Variants in PCDH15 observed in about 807,000 individuals in gnomAD.
PCDH15 encodes the protein protocadherin-15.
In PCDH15, 129 loss-of-function variants were observed where a neutral mutation model predicts 178.5. The observed-to-expected ratio is 0.72, with a 90% CI of 0.63 to 0.84. The LOEUF is 0.84. Among genes scored for constraint, PCDH15 ranks in the 40% least tolerant of loss-of-function variants. The pLI is 0.00. For missense variants in PCDH15, 2,230 were observed against 2,099.9 expected, an observed-to-expected ratio of 1.06 and a Z score of -1.21; for synonymous variants, 800 against 732.0, an observed-to-expected ratio of 1.09 and a Z score of -1.50.
At position 53,807,001 on chromosome 10, in the gene PCDH15, C is replaced by T. The variant is rs181306086; in HGVS notation, c.4801G>A (p.Gly1601Ser). 2.4e-4 allele frequency: 392 copies of T among 1,613,482 alleles called. 1 individual carries two copies. In the African/African-American group the frequency reaches 4.4e-3, roughly 18 times the overall value. Residue 1601 changes from glycine (G) to serine (S), a missense_variant, in exon 38 of 38, where the codon GGC (glycine) becomes AGC (serine). Physicochemically the swap from Gly to Ser is moderately conservative, Grantham distance 56. Coordinates refer to ENST00000644397, the MANE Select transcript of PCDH15 (RefSeq NM_001384140.1). ...HHPSIHSNIN[G>S]NIYIAQNGSV... ...CCATTCTGTGCAATATATATATTGC[C>T]GTTGATATTACTGTGGATACTAGGA...
intron 2 of PCDH15, among the ~76,000 whole-genome samples, chr10:55,071,959 A>G (rs1841758146): frequency 1.3e-5 from 2 of 152,288 alleles, no homozygotes; most frequent in South Asian, 4.1e-4. Flanking sequence ...AAAACCGCTC[A>G]ACTACATGGA....
At chr10:54,298,658 A>G (rs2059948207) in intron 8 of PCDH15, among the ~76,000 whole-genome samples, 1 of 152,214 alleles carries the variant, frequency 6.6e-6, no homozygotes, top group Non-Finnish European at 1.5e-5. Context: ...TGATCCAACA[A>G]CAGGACTGAG....
At chr10:55,525,408 G>A (rs760429322) in intron 2 of PCDH15, among the ~76,000 whole-genome samples, 2 of 151,726 alleles carry the variant, frequency 1.3e-5, no homozygotes, top group Non-Finnish European at 2.9e-5. Context: ...AATAGTGAAA[G>A]TCACTAGATA....
chr10:55,377,146 T>TAAAAAAAAAAAAAAAAAA (rs398054373), intron 2 of PCDH15, among the ~76,000 whole-genome samples: 1 of 105,342 alleles, frequency 9.5e-6, no homozygotes, highest in Non-Finnish European at 2.0e-5. Context: ...CTTTCTTCAC[T>TAAAAAAAAAAAAAAAAAA]AAAAAAAAAA....
At chr10:55,204,741 T>TA (rs930155522) in intron 1 of PCDH15, among the ~76,000 whole-genome samples, 9 of 151,960 alleles carry the variant, frequency 5.9e-5, no homozygotes, top group African/African-American at 2.2e-4. Context: ...AGTATGAAAA[T>TA]AAAAAATCTT....
At chr10:53,825,238 A>G in intron 32 of PCDH15, 1 of 1,384,808 alleles carries the variant, frequency 7.2e-7, no homozygotes, top group Non-Finnish European at 9.4e-7. Context: ...ATGAGCAGGA[A>G]CTTGCTTTAA....
chr10:55,088,248 A>T (rs910366384), intron 2 of PCDH15, among the ~76,000 whole-genome samples: 9 of 151,986 alleles, frequency 5.9e-5, no homozygotes, highest in Non-Finnish European at 1.2e-4. Context: ...ATTGGTCATC[A>T]ATTAATAACA....
Position 55,255,772 on chromosome 10 carries a change from T to C in PCDH15, c.-156+63827A>G, listed in dbSNP as rs1465761917. ...TCTTCTTTTGAGAAGTGTCTGTTCA[T>C]ATCCTTCACCCACTTTTTGTTGGGG... On this transcript the variant is annotated intron_variant, in intron 1 of 5. Coordinates refer to the PCDH15 transcript ENST00000458638. Among the ~76,000 whole-genome samples, 3 of 152,358 alleles carry C rather than the reference T, an allele frequency of 2.0e-5. No individual in the cohort carries two copies. The South Asian group carries it at 6.2e-4, about 32-fold the overall frequency.
intron 20 of PCDH15, among the ~76,000 whole-genome samples, chr10:54,014,545 T>C (rs1430645444): frequency 2.0e-5 from 3 of 151,986 alleles, no homozygotes; most frequent in African/African-American, 4.8e-5. Flanking sequence ...CAGCAGCACA[T>C]TGAAAAGCTA....
chr10:53,980,622 G>A (rs1262248231), intron 21 of PCDH15, among the ~76,000 whole-genome samples: 6 of 152,176 alleles, frequency 3.9e-5, no homozygotes, highest in Non-Finnish European at 8.8e-5. Flanking sequence ...CTTCACATGA[G>A]CTAAGTGTGT....
At chr10:54,652,987 T>C (rs1236570724) in intron 2 of PCDH15, among the ~76,000 whole-genome samples, 2 of 152,222 alleles carry the variant, frequency 1.3e-5, no homozygotes, top group Admixed American at 1.3e-4. Context: ...AAACATATTT[T>C]ATATAATTTT....
intron 1 of PCDH15, among the ~76,000 whole-genome samples, chr10:55,278,732 T>C (rs1329866736): frequency 6.6e-6 from 1 of 152,218 alleles, no homozygotes; most frequent in Non-Finnish European, 1.5e-5. Flanking sequence ...AGAATATTTA[T>C]AAATTGACAA....
chr10:54,341,526 A>T (rs1942229483), intron 6 of PCDH15, among the ~76,000 whole-genome samples: 2 of 152,196 alleles, frequency 1.3e-5, no homozygotes, highest in Non-Finnish European at 2.9e-5. Context: ...GTATCTTTAT[A>T]GCAGTGTGAT....
intron 1 of PCDH15, among the ~76,000 whole-genome samples, chr10:54,707,736 A>G (rs2095380175): frequency 6.6e-6 from 1 of 152,188 alleles, no homozygotes; most frequent in Admixed American, 6.6e-5. Context: ...CAACAAACAC[A>G]CATTACATGT....
At chr10:54,285,062 T>C (rs1359129326) in intron 8 of PCDH15, among the ~76,000 whole-genome samples, 3 of 152,200 alleles carry the variant, frequency 2.0e-5, no homozygotes, top group African/African-American at 7.2e-5. Flanking sequence ...ATTTAAACCA[T>C]AAATATTTTT....
At chr10:54,950,829 CA>C (rs1838320909) in intron 2 of PCDH15, among the ~76,000 whole-genome samples, 1 of 151,776 alleles carries the variant, frequency 6.6e-6, no homozygotes. Flanking sequence ...GGGACATAGT[CA>C]AACTATATCT....
chr10:54,332,340 TTATATATAATATAATATAATCTATATTA>T (rs1939939708), intron 6 of PCDH15, among the ~76,000 whole-genome samples: 1 of 129,326 alleles, frequency 7.7e-6, no homozygotes, highest in African/African-American at 2.9e-5. Context: ...TTATATATTA[TTATATATAATATAATATAATCTATATTA>T]TATATATAAT....
At position 55,182,661 on chromosome 10, in the gene PCDH15, G is replaced by T. The variant is rs143302257; in HGVS notation, c.-155-16010C>A. 2.9e-3 allele frequency among the ~76,000 whole-genome samples: 446 copies of T among 152,076 alleles called. 1 individual carries two copies. The highest frequency in any genetic ancestry group is 0.01 in the Middle Eastern group (3 of 294). ...AGTAATACATAAGTACAGATGGTAT[G>T]TATGATGTAAGTGTTAAATGACATC... On this transcript the variant is annotated intron_variant, in intron 1 of 5. Transcript: ENST00000458638.
chr10:55,303,864 T>C (rs917959716), intron 1 of PCDH15, among the ~76,000 whole-genome samples: 7 of 152,198 alleles, frequency 4.6e-5, no homozygotes, highest in Admixed American at 1.3e-4. Context: ...GTTGCCTCTA[T>C]AGATTTTCCT....
Sources: allele counts gnomAD v4.1 joint callset (sites outside exome capture counted in the v4.1 genomes callset), GRCh38; gene constraint gnomAD v4.1.1; transcripts MANE v1.5; gene names NCBI Gene and HGNC (gene_info 2026-07-23, HGNC 2026-07-21).